Variants in POGZ observed in about 807,000 individuals in gnomAD.
POGZ encodes the protein pogo transposable element with ZNF domain.
In POGZ, 17 loss-of-function variants were observed where a neutral mutation model predicts 134.6. That is an observed-to-expected ratio of 0.13 (90% CI 0.09 to 0.19). The LOEUF is 0.19. POGZ is among the 10% of genes least tolerant of loss of function. POGZ has a pLI of 1.00. For missense variants in POGZ, 1,306 were observed against 1,769.7 expected, an observed-to-expected ratio of 0.74 and a Z score of 4.70; for synonymous variants, 693 against 657.1, an observed-to-expected ratio of 1.05 and a Z score of -0.84.
chr1:151,417,656 C>T (rs560743958), intron 10 of POGZ, among the ~76,000 whole-genome samples: 15 of 146,904 alleles, frequency 1.0e-4, no homozygotes, highest in East Asian at 4.2e-4. Context: ...GCCACTGCGC[C>T]GGCCTATTAG....
intron 7 of POGZ, 194 bp downstream of exon 7, chr1:151,427,629 C>T: frequency 1.8e-6 from 1 of 563,208 alleles, no homozygotes; most frequent in South Asian, 2.2e-5. Flanking sequence ...CAATTACACA[C>T]ATAATTTCTT....
chr1:151,429,473 A>C, intron 5 of POGZ, 130 bp downstream of exon 5: 1 of 453,504 alleles, frequency 2.2e-6, no homozygotes, highest in South Asian at 4.5e-5. Context: ...ATTGGGCTTA[A>C]ATCATTAATA....
rs151054832 is a variant in POGZ, at chr1:151,420,034, A to G, written c.1678+3363T>C. On this transcript the variant is annotated intron_variant, in intron 10 of 18. Transcript: ENST00000271715. The stretch of plus-strand genomic sequence containing the variant: ...CCTGTCTCTACCCCCAAGAAAAGGA[A>G]TAAATTAGCTGGGTGTGGTGGCATA... Among the ~76,000 whole-genome samples the G allele has an allele frequency of 5.9e-5, 9 of 151,890 alleles. No individual in the cohort carries two copies. In the East Asian group the frequency reaches 1.8e-3, roughly 30 times the overall value.
intron 1 of POGZ, among the ~76,000 whole-genome samples, chr1:151,449,847 A>C (rs1437302541): frequency 6.6e-6 from 1 of 152,172 alleles, no homozygotes; most frequent in Non-Finnish European, 1.5e-5. Flanking sequence ...AGACTGCACC[A>C]CTGCACTCCA....
chr1:151,444,204 G>C (rs1000073609), intron 1 of POGZ, among the ~76,000 whole-genome samples: 1 of 152,066 alleles, frequency 6.6e-6, no homozygotes, highest in Non-Finnish European at 1.5e-5. Flanking sequence ...AGCCACAAAG[G>C]GGGTGAGGAA....
At chr1:151,454,385 TAAACATGTAATAAGC>T in intron 1 of POGZ, among the ~76,000 whole-genome samples, 1 of 152,194 alleles carries the variant, frequency 6.6e-6, no homozygotes. Context: ...AAACTATAGT[TAAACATGTAATAAGC>T]TTTTATTTAT....
At chr1:151,444,383 C>T (rs1011208454) in intron 1 of POGZ, among the ~76,000 whole-genome samples, 4 of 152,214 alleles carry the variant, frequency 2.6e-5, no homozygotes, top group African/African-American at 9.6e-5. Context: ...AATTCCACTA[C>T]AAAATATATT....
In POGZ at chr1:151,404,713, C is replaced by T; in HGVS notation, c.*89G>A. On this transcript the variant is annotated 3_prime_UTR_variant, in exon 19 of 19. Coordinates refer to ENST00000271715, the MANE Select transcript of POGZ (RefSeq NM_015100.4). ...AATTAAAAAATAGAAACCAAATACC[C>T]CACCTGGTATGCCCCCTTTTCCCTA... is the stretch of plus-strand genomic sequence containing the variant. The T allele has an allele frequency of 6.8e-7, 1 of 1,472,016 alleles. No individual in the cohort carries two copies. The highest frequency in any genetic ancestry group is 2.4e-5 in the East Asian group (1 of 42,496). 91.2% of individuals were successfully genotyped at this position (1,472,016 alleles called of 1,614,324 possible). A position where few individuals can be genotyped will look rare whatever the true frequency, so the allele number is the denominator to read the frequency against.
Position 151,406,069 on chromosome 1 carries a change from G to A in POGZ, c.2966C>T (p.Thr989Ile), listed in dbSNP as rs1416701735. The change falls in exon 19 of 19, where the codon ACA becomes ATA. Residue 989 changes from threonine (T) to isoleucine (I), a missense_variant. Transcript: ENST00000271715. Reference protein sequence around the residue: ...RVVLFALCCNTEQAAEHFRNP... With the variant: ...RVVLFALCCNIEQAAEHFRNP... ...TCGGAAGTGTTCAGCTGCCTGTTCTGTATTGCAGCATAGAGCAAACAGTAC... is the reference window on the plus strand; with the variant it reads ...TCGGAAGTGTTCAGCTGCCTGTTCTATATTGCAGCATAGAGCAAACAGTAC... 1.2e-6 allele frequency: 2 copies of A among 1,614,194 alleles called. No homozygotes were observed. Among genetic ancestry groups the A allele is most frequent in the East Asian group, 4.5e-5 (2 of 44,888 alleles).
chr1:151,412,500 A>G, intron 10 of POGZ, 104 bp from the exon 11 acceptor site: 3 of 661,172 alleles, frequency 4.5e-6, no homozygotes, highest in South Asian at 3.6e-5. Flanking sequence ...GATTTTCAAC[A>G]ATCAGTAAAT....
chr1:151,450,385 CTT>C (rs1366958911), intron 1 of POGZ, among the ~76,000 whole-genome samples: 1 of 152,036 alleles, frequency 6.6e-6, no homozygotes, highest in Non-Finnish European at 1.5e-5. Context: ...GTCACAGGGT[CTT>C]TGTCGCCTGG....
In POGZ at chr1:151,403,347, A is replaced by C. The variant is rs1450231774; in HGVS notation, c.*1455T>G. The C allele has an allele frequency of 1.0e-6, 1 of 985,572 alleles. No individual in the cohort carries two copies. The highest frequency in any genetic ancestry group is 1.7e-5 in the African/African-American group (1 of 57,226). 61.1% of individuals were successfully genotyped at this position (985,572 alleles called of 1,614,324 possible). On this transcript the variant is annotated 3_prime_UTR_variant, in exon 19 of 19. Transcript: ENST00000271715. ...AACAGGGTCACCTAGAAAAAAAACAAGTTTATAAATCCATTTCCCCTCATT... is the reference window on the plus strand; with the variant it reads ...AACAGGGTCACCTAGAAAAAAAACACGTTTATAAATCCATTTCCCCTCATT...
intron 5 of POGZ, among the ~76,000 whole-genome samples, chr1:151,428,729 T>C (rs1189782079): frequency 6.6e-6 from 1 of 152,060 alleles, no homozygotes; most frequent in Non-Finnish European, 1.5e-5. Flanking sequence ...TGGGAAGCAA[T>C]ATGGGTGTAT....
At chr1:151,416,265 CTA>C (rs1366793737) in intron 10 of POGZ, among the ~76,000 whole-genome samples, 2 of 111,734 alleles carry the variant, frequency 1.8e-5, no homozygotes, top group Non-Finnish European at 3.8e-5. Flanking sequence ...AAAAAAAAGA[CTA>C]TGAATCAGAC....
At chr1:151,440,786 T>C (rs1028159839) in intron 3 of POGZ, 142 bp downstream of exon 3, 9 of 650,176 alleles carry the variant, frequency 1.4e-5, no homozygotes, top group Non-Finnish European at 2.4e-5. Flanking sequence ...CACTTCCGTA[T>C]CAGAGAATCA....
In POGZ at chr1:151,424,202, G is replaced by C; in HGVS notation, c.1270C>G (p.Pro424Ala). Residue 424 changes from proline to alanine, a missense_variant, in exon 9 of 19, where the codon CCA becomes GCA. Around this residue, in one of 10 missense-constraint regions of POGZ, gnomAD observed 541 missense variants for 680.5 expected, o/e 0.80. Transcript: ENST00000271715. ...ACAGGAGCTGTTTTCTCAGGGGATG[G>C]GGGCTTTGCTGCTGATGGGACACTG... ...EPSVPSAAKP[P>A]SPEKTAPVAS... The C allele has an allele frequency of 6.2e-7, 1 of 1,614,018 alleles. No individual in the cohort carries two copies. The highest frequency in any genetic ancestry group is 8.5e-7 in the Non-Finnish European group (1 of 1,179,924).
chr1:151,408,247 G>T lies in POGZ; in HGVS notation c.2235-7C>A. 6.2e-7 allele frequency: 1 copy of T among 1,601,160 alleles called. No individual in the cohort carries two copies. Among genetic ancestry groups the T allele is most frequent in the Non-Finnish European group, 8.5e-7 (1 of 1,176,332 alleles). On this transcript the variant is annotated splice_polypyrimidine_tract_variant and splice_region_variant and intron_variant, in intron 14 of 18. Coordinates refer to ENST00000271715, the MANE Select transcript of POGZ (RefSeq NM_015100.4). ...CTGCCGGCCCATGACACTCCTGTGG[G>T]GGAAAAAAAAAAAGAATTCTCATTA...
chr1:151,450,572 T>C (rs1196589867), intron 1 of POGZ, among the ~76,000 whole-genome samples: 1 of 152,154 alleles, frequency 6.6e-6, no homozygotes, highest in Non-Finnish European at 1.5e-5. Context: ...AGGCTGGTCT[T>C]GAACTTCAGG....
In POGZ at chr1:151,405,624, C is replaced by T; in HGVS notation, c.3411G>A (p.Leu1137=). The T allele has an allele frequency of 2.5e-6, 4 of 1,614,212 alleles. No homozygotes were observed. The highest frequency in any genetic ancestry group is 3.4e-6 in the Non-Finnish European group (4 of 1,180,032). Residue 1137 remains leucine, a synonymous_variant, in exon 19 of 19, where the codon CTG becomes CTA. Coordinates refer to ENST00000271715, the MANE Select transcript of POGZ (RefSeq NM_015100.4). The surrounding 1 kb of genome is among the most constrained non-coding windows in gnomAD (Gnocchi z 4.9). ...CATTCTCCTTTCGATCATCACTGCTCAGCACCTCTGTATCCAGGAACAAAG... is the reference window on the plus strand; with the variant it reads ...CATTCTCCTTTCGATCATCACTGCTTAGCACCTCTGTATCCAGGAACAAAG... ...EISLFLDTEV[L]SSDDRKENAL... is the part of the protein sequence containing the mutation.
Sources: gnomAD v4.1 joint callset for allele counts (sites outside exome capture counted in the v4.1 genomes callset) on GRCh38, gnomAD v4.1.1 for gene constraint, gnomAD v4.1.1 regional missense constraint, Gnocchi (gnomAD v3.1) non-coding constraint, MANE v1.5 for transcripts, NCBI Gene and HGNC (gene_info 2026-07-23, HGNC 2026-07-21) for gene names.